IP6K2: variants seen among roughly 807,000 people sequenced by gnomAD.
The protein encoded by IP6K2 is ATP:1D-myo-inositol-hexakisphosphate phosphotransferase.
In IP6K2, 9 loss-of-function variants were observed where a neutral mutation model predicts 43.3. The observed-to-expected ratio is 0.21, with a 90% CI of 0.13 to 0.36. The LOEUF is 0.36. Ranked by LOEUF, IP6K2 falls within the 10% of genes least tolerant of loss-of-function variation. IP6K2 has a pLI of 1.00. For missense variants in IP6K2, 332 were observed against 538.4 expected (o/e 0.62, Z 3.79); for synonymous variants, 209 against 202.4 (o/e 1.03, Z -0.28).
intron 1 of IP6K2, among the ~76,000 whole-genome samples, chr3:48,710,035 GAT>G (rs2080301323): frequency 1.3e-5 from 2 of 152,144 alleles, no homozygotes; most frequent in Admixed American, 1.3e-4. Flanking sequence ...AGGTCACACT[GAT>G]CTCTTCAGAA....
At position 48,691,443 on chromosome 3, in the gene IP6K2, A is replaced by G. The variant is rs1205631671; in HGVS notation, c.468T>C (p.Ser156=). 3 of 1,612,488 alleles carry G rather than the reference A, an allele frequency of 1.9e-6. No individual in the cohort carries two copies. Among genetic ancestry groups the G allele is most frequent in the East Asian group, 2.2e-5 (1 of 44,888 alleles). The part of the protein sequence containing the change: ...LEEEFEWLKK[S]EVLYYTVEKK... ...TCTCTACAGTGTAGTACAAGACTTCAGATTTCTTTAGCCACTCAAATTCTT... is the reference window on the plus strand; with the variant it reads ...TCTCTACAGTGTAGTACAAGACTTCGGATTTCTTTAGCCACTCAAATTCTT... The change falls in exon 4 of 6, where the codon TCT becomes TCC. Residue 156 remains serine, a synonymous_variant. Transcript: ENST00000328631.
chr3:48,693,984 GCCTTACAAAC>G, intron 2 of IP6K2: 1 of 1,373,210 alleles, frequency 7.3e-7, no homozygotes. Flanking sequence ...GCCGACGAGC[GCCTTACAAAC>G]GACTGGCTGA....
chr3:48,694,683 C>CCCCGGCCTACCTAATTA, intron 2 of IP6K2: 1 of 1,506,040 alleles, frequency 6.6e-7, no homozygotes, highest in Non-Finnish European at 8.8e-7. Flanking sequence ...CAACGCTGCT[C>CCCCGGCCTACCTAATTA]CCCGGCCTAC....
At position 48,693,038 on chromosome 3, in the gene IP6K2, G is replaced by C. The variant is rs1449379625; in HGVS notation, c.344C>G (p.Thr115Arg). The C allele has an allele frequency of 5.6e-6, 9 of 1,613,960 alleles. No individual in the cohort carries two copies. The highest frequency in any genetic ancestry group is 7.6e-6 in the Non-Finnish European group (9 of 1,179,996). Residue 115 changes from threonine to arginine, a missense_variant, in exon 3 of 6, where the codon ACA becomes AGA. By Grantham distance (71) the Thr-to-Arg change is moderately conservative. Transcript: ENST00000328631. Reference protein sequence around the residue: ...EPKSKLLRWTTNKKHHVLETE... With the variant: ...EPKSKLLRWTRNKKHHVLETE... ...TTCTAAGACATGATGTTTTTTGTTT[G>C]TTGTCCACCTTAGGAGCTTACTTTT... is the stretch of plus-strand genomic sequence containing the variant.
chr3:48,699,437 C>A, intron 1 of IP6K2: 1 of 152,236 alleles, frequency 6.6e-6, no homozygotes, highest in South Asian at 2.1e-4. Context: ...AAAAACGTAG[C>A]TGGAGGCCAA....
In IP6K2 at chr3:48,694,499, C is replaced by T. The variant is rs1247966490; in HGVS notation, c.202+591G>A. 1.9e-6 allele frequency: 3 copies of T among 1,545,272 alleles called. No homozygotes were observed. The South Asian group carries it at 3.6e-5, about 19-fold the overall frequency. On this transcript the variant is annotated intron_variant, in intron 2 of 5. Transcript: ENST00000328631. ...CTCCCCCACTCCCCAACAAAGACCC[C>T]ACCATGCTGGTGGCTGCTGATGTCC... is the stretch of plus-strand genomic sequence containing the variant.
At chr3:48,691,607 G>C in intron 3 of IP6K2, 125 bp from the exon 4 acceptor site, 2 of 643,484 alleles carry the variant, frequency 3.1e-6, no homozygotes, top group Non-Finnish European at 2.6e-6. Context: ...CTTGAGATCA[G>C]GAGTTGGAGA....
intron 1 of IP6K2, among the ~76,000 whole-genome samples, chr3:48,700,768 G>A (rs1263932922): frequency 1.3e-5 from 2 of 152,104 alleles, no homozygotes; most frequent in Admixed American, 1.3e-4. Flanking sequence ...GGGATCCACT[G>A]GGGCTACTTA....
chr3:48,705,654 T>TAA (rs201473758), intron 1 of IP6K2, among the ~76,000 whole-genome samples: 2 of 136,458 alleles, frequency 1.5e-5, no homozygotes, highest in Admixed American at 7.3e-5. Flanking sequence ...CACTGTCTAT[T>TAA]AAAAAAAAAA....
intron 2 of IP6K2, 100 bp downstream of exon 2, chr3:48,694,990 G>A: frequency 1.9e-6 from 3 of 1,608,268 alleles, no homozygotes; most frequent in Middle Eastern, 1.7e-4. Flanking sequence ...CAGAGTGGGA[G>A]GGAGTGAGGG....
chr3:48,710,855 C>G (rs545937518), intron 1 of IP6K2, among the ~76,000 whole-genome samples: 1 of 152,082 alleles, frequency 6.6e-6, no homozygotes, highest in Admixed American at 6.6e-5. Flanking sequence ...GTGATCCATC[C>G]GCCTCGGCCG....
At chr3:48,692,358 G>A (rs372672154) in intron 3 of IP6K2, among the ~76,000 whole-genome samples, 53 of 152,318 alleles carry the variant, frequency 3.5e-4, no homozygotes, top group African/African-American at 1.3e-3. Context: ...AGCCCTGTAT[G>A]TGGAGAGCCT....
At position 48,689,655 on chromosome 3, in the gene IP6K2, G is replaced by C; in HGVS notation, c.663C>G (p.Leu221=). 1 of 1,614,122 alleles carries C rather than the reference G, an allele frequency of 6.2e-7. No homozygotes were observed. The highest frequency in any genetic ancestry group is 8.5e-7 in the Non-Finnish European group (1 of 1,179,996). ...CACCATGTTGTCGTGTGCCCATCTT[G>C]AGGTCAAGGACACAAGGCACCTCGT... ...SRYEVPCVLD[L]KMGTRQHGDD... The change falls in exon 5 of 6, where the codon CTC becomes CTG. Residue 221 remains leucine (L), a synonymous_variant. Transcript: ENST00000328631.
rs753682937 is a variant in IP6K2, at chr3:48,691,488, A to G, written c.429-6T>C. The G allele has an allele frequency of 9.4e-6, 15 of 1,600,776 alleles. No homozygotes were observed. Among genetic ancestry groups the G allele is most frequent in the Middle Eastern group, 1.7e-4 (1 of 6,040 alleles). On this transcript the variant is annotated splice_region_variant and splice_polypyrimidine_tract_variant and intron_variant, in intron 3 of 5. Coordinates refer to ENST00000328631, the MANE Select transcript of IP6K2 (RefSeq NM_016291.4). ...ATTCTTCTTCTAACTTATGGCTATA[A>G]AGAGATAAGGACCAATAAATCAGTA...
chr3:48,702,720 A>ATACTC (rs1243377484), intron 1 of IP6K2, among the ~76,000 whole-genome samples: 2 of 152,166 alleles, frequency 1.3e-5, no homozygotes, highest in African/African-American at 2.4e-5. Context: ...ACCGTCTGAC[A>ATACTC]TACTCTACGT....
At position 48,688,765 on chromosome 3, in the gene IP6K2, T is replaced by C. The variant is rs1575579385; in HGVS notation, c.789A>G (p.Gln263=). ...TGAACATGAGCTGCCCACTGCCTGCTTGGTACACCTGTAGGAGAGAGACCA... is the reference window on the plus strand; with the variant it reads ...TGAACATGAGCTGCCCACTGCCTGCCTGGTACACCTGTAGGAGAGAGACCA... The part of the protein sequence containing the change: ...GVRVCGMQVY[Q]AGSGQLMFMN... The change falls in exon 6 of 6, where the codon CAA becomes CAG. Residue 263 remains glutamine, a synonymous_variant. Transcript: ENST00000328631. The surrounding 1 kb of genome is among the most constrained non-coding windows in gnomAD (Gnocchi z 5.1). The C allele has an allele frequency of 6.2e-7, 1 of 1,608,946 alleles. No individual in the cohort carries two copies. Among genetic ancestry groups the C allele is most frequent in the Non-Finnish European group, 8.5e-7 (1 of 1,177,018 alleles).
At chr3:48,715,465 A>T in intron 1 of IP6K2, 1 of 1,535,666 alleles carries the variant, frequency 6.5e-7, no homozygotes, top group Non-Finnish European at 8.7e-7. Context: ...CTTTCCTGGC[A>T]CATTCCACTG....
rs185268387 is a variant in IP6K2 at position 48,693,876 on chromosome 3, T to C, written c.203-697A>G. ...TGGGGAGCACAGACATGTGGTGGCC[T>C]TGAAAGCAGCTTTTCCCCTTAAGTC... On this transcript the variant is annotated intron_variant, in intron 2 of 5. Coordinates refer to ENST00000328631, the MANE Select transcript of IP6K2 (RefSeq NM_016291.4). 2.4e-5 allele frequency: 29 copies of C among 1,201,932 alleles called. No individual in the cohort carries two copies. The African/African-American group carries it at 4.0e-4, about 16-fold the overall frequency. 74.5% of individuals were successfully genotyped at this position (1,201,932 alleles called of 1,614,324 possible).
At chr3:48,704,061 T>C (rs2079394485) in intron 1 of IP6K2, among the ~76,000 whole-genome samples, 1 of 151,826 alleles carries the variant, frequency 6.6e-6, no homozygotes, top group Non-Finnish European at 1.5e-5. Flanking sequence ...CACTGCACTC[T>C]AGCCTGGCAA....
Sources: allele counts gnomAD v4.1 joint callset (sites outside exome capture counted in the v4.1 genomes callset), GRCh38; gene constraint gnomAD v4.1.1; non-coding constraint Gnocchi (gnomAD v3.1); transcripts MANE v1.5; gene names NCBI Gene and HGNC (gene_info 2026-07-23, HGNC 2026-07-21).